Variants in S100PBP observed in about 807,000 individuals in gnomAD.
The protein encoded by S100PBP is S100P binding protein.
S100PBP carries 15 observed loss-of-function variants against 39.9 expected under a neutral mutation model. That is an observed-to-expected ratio of 0.38 (90% CI 0.25 to 0.58). The LOEUF is 0.58. Ranked by LOEUF, S100PBP falls within the 20% of genes least tolerant of loss-of-function variation. The pLI, the probability that S100PBP is intolerant of heterozygous loss-of-function variation, is 0.70. For synonymous variants in S100PBP, 178 were observed against 180.3 expected, an observed-to-expected ratio of 0.99 and a Z score of 0.10; for missense variants, 504 against 487.3, an observed-to-expected ratio of 1.03 and a Z score of -0.32.
At chr1:32,826,015 A>G in intron 2 of S100PBP, 83 bp from the exon 3 acceptor site, 1 of 942,488 alleles carries the variant, frequency 1.1e-6, no homozygotes, top group Non-Finnish European at 1.6e-6. Context: ...TTGAAATACT[A>G]GAACATTACC....
chr1:32,833,574 C>T (rs1639693372), intron 5 of S100PBP, among the ~76,000 whole-genome samples: 1 of 151,984 alleles, frequency 6.6e-6, no homozygotes, highest in South Asian at 2.1e-4. Flanking sequence ...TTTGGCCAGG[C>T]TGGTCTCGAA....
At chr1:32,839,333 TTAA>T (rs1416545982) in intron 5 of S100PBP, among the ~76,000 whole-genome samples, 1 of 152,246 alleles carries the variant, frequency 6.6e-6, no homozygotes, top group Non-Finnish European at 1.5e-5. Context: ...TTTTTAAGAC[TTAA>T]TAATACAGCA....
intron 5 of S100PBP, chr1:32,842,939 T>C (rs1640186611): frequency 6.6e-6 from 1 of 152,232 alleles, no homozygotes; most frequent in South Asian, 2.1e-4. Context: ...TAAAGTCTTC[T>C]CTAATTTCCT....
chr1:32,854,708 A>G (rs1231781028), intron 6 of S100PBP, among the ~76,000 whole-genome samples: 1 of 152,132 alleles, frequency 6.6e-6, no homozygotes, highest in African/African-American at 2.4e-5. Context: ...CCCATCTCAC[A>G]TCTTCCCATT....
upstream of S100PBP, chr1:32,817,154 C>G (rs781047642): frequency 6.2e-7 from 1 of 1,613,524 alleles, no homozygotes; most frequent in Admixed American, 1.7e-5. Flanking sequence ...GGCTCCTAAT[C>G]CCCAACGGCG....
At chr1:32,842,234 T>TACACACAC (rs772486087) in intron 5 of S100PBP, among the ~76,000 whole-genome samples, 2 of 91,954 alleles carry the variant, frequency 2.2e-5, no homozygotes, top group Admixed American at 1.7e-4. Flanking sequence ...TATATATATA[T>TACACACAC]ATACACACAC....
At chr1:32,840,648 C>T (rs1247358838) in intron 5 of S100PBP, among the ~76,000 whole-genome samples, 1 of 152,086 alleles carries the variant, frequency 6.6e-6, no homozygotes, top group Non-Finnish European at 1.5e-5. Context: ...TGAGCCACCA[C>T]GCCCGACCTA....
At chr1:32,841,540 A>G (rs2148672218) in intron 5 of S100PBP, among the ~76,000 whole-genome samples, 1 of 150,974 alleles carries the variant, frequency 6.6e-6, no homozygotes, top group South Asian at 2.1e-4. Flanking sequence ...GACCAGCCTG[A>G]CCAACATGGA....
rs543773801 is a variant in S100PBP at position 32,830,040 on chromosome 1, A to G, written c.997A>G (p.Ile333Val). The G allele has an allele frequency of 9.3e-6, 15 of 1,612,900 alleles. No homozygotes were observed. Among genetic ancestry groups the G allele is most frequent in the Non-Finnish European group, 1.0e-5 (12 of 1,179,070 alleles). The change falls in exon 5 of 7, where the codon ATA becomes GTA. Residue 333 changes from isoleucine to valine, a missense_variant. By Grantham distance (29) the Ile-to-Val change is conservative. Transcript: ENST00000373475. Reference protein sequence around the residue: ...QLYLRSVIAHIEDPEDTNQGI... With the variant: ...QLYLRSVIAHVEDPEDTNQGI... ...TTATCTCAGGAGTGTCATTGCTCAT[A>G]TAGAAGACCCAGAGGACACTAACCA...
intron 5 of S100PBP, among the ~76,000 whole-genome samples, chr1:32,849,275 C>T (rs956469230): frequency 6.6e-6 from 1 of 151,890 alleles, no homozygotes; most frequent in African/African-American, 2.4e-5. Flanking sequence ...CCCCTGGAGT[C>T]GATGGGACTA....
chr1:32,828,207 T>A (rs1172209349), intron 4 of S100PBP, 126 bp downstream of exon 4: 19 of 573,860 alleles, frequency 3.3e-5, no homozygotes, highest in Non-Finnish European at 5.0e-5. Flanking sequence ...AAACTTGAAG[T>A]TCTAGCACTA....
chr1:32,854,236 T>C lies in S100PBP; in HGVS notation c.1112+1070T>C, dbSNP rs146514327. ...GATTAGTTCCAGGACCCTCTCTGGA[T>C]ACCAAAATCCACAGATGCTCACGTT... On this transcript the variant is annotated intron_variant, in intron 6 of 6. Transcript: ENST00000373475. Among the ~76,000 whole-genome samples, 633 of 152,294 alleles carry C rather than the reference T, an allele frequency of 4.2e-3. 11 individuals are homozygous for C. Among genetic ancestry groups the C allele is most frequent in the East Asian group, 0.014 (72 of 5,188 alleles).
intron 1 of S100PBP, chr1:32,820,676 T>G (rs965994150): frequency 1.3e-5 from 2 of 152,190 alleles, no homozygotes; most frequent in African/African-American, 4.8e-5. Flanking sequence ...GACTTCATAA[T>G]TTTAAGATGT....
At chr1:32,819,616 G>A (rs1189488447) in intron 1 of S100PBP, among the ~76,000 whole-genome samples, 1 of 152,088 alleles carries the variant, frequency 6.6e-6, no homozygotes, top group African/African-American at 2.4e-5. Context: ...TTAAGTGGAG[G>A]TTACCAGACA....
At chr1:32,849,675 A>G (rs749189248) in intron 5 of S100PBP, among the ~76,000 whole-genome samples, 2 of 152,210 alleles carry the variant, frequency 1.3e-5, no homozygotes, top group Non-Finnish European at 2.9e-5. Flanking sequence ...GCTGAGATCT[A>G]ATTATTGAGC....
At chr1:32,836,751 C>G (rs1639835682) in intron 5 of S100PBP, 1 of 195,308 alleles carries the variant, frequency 5.1e-6, no homozygotes, top group Non-Finnish European at 9.3e-6. Context: ...GGGTTGAATC[C>G]TGTTTCTTGG....
upstream of S100PBP, chr1:32,817,409 A>G: frequency 1.3e-6 from 1 of 792,446 alleles, no homozygotes; most frequent in South Asian, 1.5e-5. Context: ...AGCGGCCGGA[A>G]AAAGTGAGGA....
At position 32,828,003 on chromosome 1, in the gene S100PBP, T is replaced by C; in HGVS notation, c.842T>C (p.Leu281Pro). The C allele has an allele frequency of 1.2e-6, 2 of 1,610,696 alleles. No individual in the cohort carries two copies. Among genetic ancestry groups the C allele is most frequent in the Non-Finnish European group, 1.7e-6 (2 of 1,177,406 alleles). Residue 281 changes from leucine to proline, a missense_variant, in exon 4 of 7, where the codon CTT (leucine) becomes CCT (proline). Coordinates refer to ENST00000373475, the MANE Select transcript of S100PBP (RefSeq NM_022753.4). ...TTTTCCTCAAAAAAGCAGGATGTTC[T>C]TAACAAGGATTCTGGGAAGATGAAA... Reference protein sequence around the residue: ...VSTSSNKQDVLNKDSGKMKGH... With the variant: ...VSTSSNKQDVPNKDSGKMKGH...
intron 1 of S100PBP, among the ~76,000 whole-genome samples, chr1:32,824,205 C>CA (rs35200829): frequency 0.17 from 22,419 of 129,216 alleles, 1,805 homozygotes; most frequent in South Asian, 0.24. Flanking sequence ...GACTCCGTCT[C>CA]AAAAAAAAAA....
Sources: allele counts gnomAD v4.1 joint callset (sites outside exome capture counted in the v4.1 genomes callset), GRCh38; gene constraint gnomAD v4.1.1; transcripts MANE v1.5; gene names NCBI Gene and HGNC (gene_info 2026-07-23, HGNC 2026-07-21).